Variants in UHMK1 observed in about 807,000 individuals in gnomAD.
UHMK1 encodes the protein serine/threonine-protein kinase Kist.
Under a neutral mutation model 44.0 loss-of-function variants are expected in UHMK1, and 18 were observed. The observed-to-expected ratio is 0.41, with a 90% CI of 0.28 to 0.61. UHMK1 has a LOEUF of 0.61. Ranked by LOEUF, UHMK1 falls within the 20% of genes least tolerant of loss-of-function variation. UHMK1 has a pLI of 0.31. For missense variants in UHMK1, 463 were observed against 522.5 expected, an observed-to-expected ratio of 0.89 and a Z score of 1.11; for synonymous variants, 231 against 198.5, an observed-to-expected ratio of 1.16 and a Z score of -1.38.
In UHMK1 at chr1:162,523,506, C is replaced by G. The variant is rs1388764057; in HGVS notation, c.*956C>G. On this transcript the variant is annotated 3_prime_UTR_variant, in exon 8 of 8. Transcript: ENST00000489294. Reference sequence around the variant, plus strand: ...GTAAATCAACCCCTCTTTTAGTTTACTTTAGACTTTGTATTAGCTCATCTT... The same window carrying G: ...GTAAATCAACCCCTCTTTTAGTTTAGTTTAGACTTTGTATTAGCTCATCTT... 6.6e-6 allele frequency: 1 copy of G among 152,514 alleles called. No homozygotes were observed. The highest frequency in any genetic ancestry group is 1.5e-5 in the Non-Finnish European group (1 of 68,028). 9.4% of individuals were successfully genotyped at this position (152,514 alleles called of 1,614,324 possible).
chr1:162,527,558 A>G lies in UHMK1; in HGVS notation c.*5008A>G, dbSNP rs1335110804. 1 of 151,994 alleles carries G rather than the reference A, an allele frequency of 6.6e-6. No individual in the cohort carries two copies. The highest frequency in any genetic ancestry group is 1.5e-5 in the Non-Finnish European group (1 of 67,918). The allele number at this position is 151,994 out of a possible 1,614,324, so 9.4% of individuals were successfully genotyped here. A position where few individuals can be genotyped will look rare whatever the true frequency, so the allele number is the denominator to read the frequency against. ...GTTCTGCCTTGTACTGCTTATGAGG[A>G]TTAATGTTTTAAATTTGCTTTATTT... On this transcript the variant is annotated 3_prime_UTR_variant, in exon 8 of 8. Transcript: ENST00000489294.
chr1:162,520,119 C>G (rs1395745957), intron 7 of UHMK1, among the ~76,000 whole-genome samples: 1 of 152,152 alleles, frequency 6.6e-6, no homozygotes, highest in Non-Finnish European at 1.5e-5. Context: ...TCTTGAACAC[C>G]TGAATTCAAG....
intron 3 of UHMK1, among the ~76,000 whole-genome samples, chr1:162,502,598 T>C (rs549362920): frequency 1.3e-5 from 2 of 152,202 alleles, no homozygotes; most frequent in Non-Finnish European, 2.9e-5. Context: ...CAGAACTAGA[T>C]CACATTCAAA....
At chr1:162,499,772 T>C (rs1651199746) in intron 1 of UHMK1, among the ~76,000 whole-genome samples, 183 bp from the exon 2 acceptor site, 1 of 152,186 alleles carries the variant, frequency 6.6e-6, no homozygotes, top group Non-Finnish European at 1.5e-5. Context: ...TGTCTCATCT[T>C]ATTTTTATTA....
chr1:162,501,920 C>G (rs542637165), intron 3 of UHMK1, among the ~76,000 whole-genome samples: 1 of 132,962 alleles, frequency 7.5e-6, no homozygotes, highest in Non-Finnish European at 1.6e-5. Flanking sequence ...AGACCCCAGT[C>G]TCTAGTAAAA....
At chr1:162,520,804 G>T (rs934655578) in intron 7 of UHMK1, among the ~76,000 whole-genome samples, 1 of 152,078 alleles carries the variant, frequency 6.6e-6, no homozygotes, top group East Asian at 1.9e-4. Context: ...CTTTTATTCT[G>T]AACTAGGGCG....
intron 7 of UHMK1, among the ~76,000 whole-genome samples, chr1:162,518,856 C>T (rs774178341): frequency 2.9e-4 from 44 of 150,506 alleles, no homozygotes; most frequent in Non-Finnish European, 5.5e-4. Context: ...GGCATGGTGG[C>T]GCATGCCTCT....
Position 162,522,587 on chromosome 1 carries a change from C to G in UHMK1, c.*37C>G. The G allele has an allele frequency of 6.3e-7, 1 of 1,599,632 alleles. No homozygotes were observed. Among genetic ancestry groups the G allele is most frequent in the Non-Finnish European group, 8.5e-7 (1 of 1,172,690 alleles). ...AGGACTGTTTCCTTTTTCTCCTCTT[C>G]CATTTCTTGGGTTATTCCACATATG... On this transcript the variant is annotated 3_prime_UTR_variant, in exon 8 of 8. Coordinates refer to ENST00000489294, the MANE Select transcript of UHMK1 (RefSeq NM_175866.5).
chr1:162,516,880 A>G (rs901028337), intron 6 of UHMK1, among the ~76,000 whole-genome samples: 2 of 152,216 alleles, frequency 1.3e-5, no homozygotes, highest in African/African-American at 4.8e-5. Context: ...GGTATAAGGA[A>G]ACATTTTTGT....
At chr1:162,520,036 C>A (rs895833557) in intron 7 of UHMK1, among the ~76,000 whole-genome samples, 12 of 152,146 alleles carry the variant, frequency 7.9e-5, no homozygotes, top group African/African-American at 2.7e-4. Context: ...GTAGCTGGAA[C>A]TACAAGCACA....
intron 4 of UHMK1, among the ~76,000 whole-genome samples, chr1:162,504,540 A>T (rs1371743251): frequency 2.0e-5 from 3 of 152,220 alleles, no homozygotes; most frequent in Non-Finnish European, 4.4e-5. Context: ...GTTGTAATAC[A>T]ATGGTAAGTA....
intron 3 of UHMK1, among the ~76,000 whole-genome samples, chr1:162,502,681 T>C (rs1342965520): frequency 6.6e-6 from 1 of 152,202 alleles, no homozygotes; most frequent in East Asian, 1.9e-4. Context: ...AAACGCTATT[T>C]TTCTGTTTTA....
chr1:162,498,143 C>G lies in UHMK1; in HGVS notation c.143C>G (p.Ser48Trp), dbSNP rs1651125746. Residue 48 changes from serine to tryptophan, a missense_variant, in exon 1 of 8, where the codon TCG becomes TGG. Coordinates refer to ENST00000489294, the MANE Select transcript of UHMK1 (RefSeq NM_175866.5). The stretch of plus-strand genomic sequence containing the variant: ...GTTCGCTGCTGCGGCAACCCTGGCT[C>G]GCCCCCCGGCGCCCTCAAGCAGTTC... ...YRVRCCGNPG[S>W]PPGALKQFLP... The G allele has an allele frequency of 1.2e-6, 2 of 1,612,698 alleles. No individual in the cohort carries two copies. Among genetic ancestry groups the G allele is most frequent in the Non-Finnish European group, 1.7e-6 (2 of 1,179,628 alleles).
intron 4 of UHMK1, among the ~76,000 whole-genome samples, chr1:162,509,863 T>G (rs530073185): frequency 1.3e-5 from 2 of 152,148 alleles, no homozygotes; most frequent in Non-Finnish European, 1.5e-5. Flanking sequence ...CAGGCTGGTC[T>G]CAAACTCCTG....
At chr1:162,521,302 T>G (rs1221649814) in intron 7 of UHMK1, among the ~76,000 whole-genome samples, 2 of 152,190 alleles carry the variant, frequency 1.3e-5, no homozygotes, top group Non-Finnish European at 2.9e-5. Flanking sequence ...TATAGAAAAG[T>G]ATAGCCTATC....
chr1:162,498,100 T>A lies in UHMK1; in HGVS notation c.100T>A (p.Ser34Thr), dbSNP rs1394743608. ...QVQSRLGSGS[S>T]ASVYRVRCCG... Reference sequence around the variant, plus strand: ...ACAGAGCCGTCTGGGTAGCGGCTCCTCCGCCTCGGTGTATCGGGTTCGCTG... The same window carrying A: ...ACAGAGCCGTCTGGGTAGCGGCTCCACCGCCTCGGTGTATCGGGTTCGCTG... Residue 34 changes from serine (S) to threonine (T), a missense_variant, in exon 1 of 8, where the codon TCC becomes ACC. By Grantham distance (58) the Ser-to-Thr change is moderately conservative. Around this residue, in one of 3 missense-constraint regions of UHMK1, gnomAD observed 191 missense variants for 176.0 expected, o/e 1.09. Transcript: ENST00000489294. 6.2e-7 allele frequency: 1 copy of A among 1,611,826 alleles called. No homozygotes were observed. Among genetic ancestry groups the A allele is most frequent in the South Asian group, 1.1e-5 (1 of 90,992 alleles).
At chr1:162,500,406 C>A in intron 2 of UHMK1, 159 bp downstream of exon 2, 1 of 816,036 alleles carries the variant, frequency 1.2e-6, no homozygotes, top group Non-Finnish European at 1.8e-6. Flanking sequence ...AATTTCAGTG[C>A]CACCGTGTAA....
chr1:162,526,308 A>C lies in UHMK1; in HGVS notation c.*3758A>C, dbSNP rs1317350099. On this transcript the variant is annotated 3_prime_UTR_variant, in exon 8 of 8. Transcript: ENST00000489294. ...TTTTTTTACAGTTAATTTAATGAAA[A>C]TCAGCACCATTGTAAATGATAGTAA... 6.6e-6 allele frequency: 1 copy of C among 151,644 alleles called. No homozygotes were observed. The highest frequency in any genetic ancestry group is 2.4e-5 in the African/African-American group (1 of 41,202). The allele number at this position is 151,644 out of a possible 1,614,324, so 9.4% of individuals were successfully genotyped here.
intron 4 of UHMK1, among the ~76,000 whole-genome samples, chr1:162,506,655 G>A (rs6676358): frequency 0.46 from 69,333 of 151,900 alleles, 15,851 homozygotes; most frequent in East Asian, 0.48. Flanking sequence ...ATTAAAAGTC[G>A]CTTGGTCTTC....
Sources: allele counts gnomAD v4.1 joint callset (sites outside exome capture counted in the v4.1 genomes callset), GRCh38; gene constraint gnomAD v4.1.1; regional missense constraint gnomAD v4.1.1; transcripts MANE v1.5; gene names NCBI Gene and HGNC (gene_info 2026-07-23, HGNC 2026-07-21).